GALNTL6: variants seen among roughly 807,000 people sequenced by gnomAD.
The protein encoded by GALNTL6 is polypeptide N-acetylgalactosaminyltransferase-like 6.
A neutral mutation model predicts 73.7 loss-of-function variants in GALNTL6; 46 were observed. The ratio of observed to expected loss-of-function variants is 0.62; its 90% CI spans 0.49 to 0.80. GALNTL6 has a LOEUF of 0.80. Ranked by LOEUF, GALNTL6 falls within the 30% of genes least tolerant of loss-of-function variation. The probability of loss-of-function intolerance (pLI) is 0.00; values close to 1 mark genes in which losing one functional copy is unlikely to be tolerated. For missense variants in GALNTL6, 604 were observed against 755.0 expected (o/e 0.80, Z 2.34); for synonymous variants, 259 against 263.7 (o/e 0.98, Z 0.17).
chr4:172,981,681 G>A (rs1751068080), intron 10 of GALNTL6, among the ~76,000 whole-genome samples: 2 of 151,534 alleles, frequency 1.3e-5, no homozygotes, highest in South Asian at 4.2e-4. Context: ...GCTATTTTGG[G>A]TCCCTTGAGA....
intron 5 of GALNTL6, among the ~76,000 whole-genome samples, chr4:172,626,826 T>C (rs977712849): frequency 6.6e-6 from 1 of 152,168 alleles, no homozygotes; most frequent in Admixed American, 6.6e-5. Context: ...ATGGCACTAA[T>C]TTTTATAAAT....
At chr4:172,307,018 G>T (rs1230890936) in intron 3 of GALNTL6, among the ~76,000 whole-genome samples, 3 of 152,146 alleles carry the variant, frequency 2.0e-5, no homozygotes, top group African/African-American at 7.2e-5. Flanking sequence ...TCTACTTTTA[G>T]TTCTTTAAAA....
intron 2 of GALNTL6, among the ~76,000 whole-genome samples, chr4:172,197,566 G>C (rs1438536015): frequency 6.6e-6 from 1 of 152,138 alleles, no homozygotes; most frequent in Non-Finnish European, 1.5e-5. Flanking sequence ...AACCAAAACA[G>C]CATGGTACTG....
intron 2 of GALNTL6, among the ~76,000 whole-genome samples, chr4:172,077,386 G>A (rs1423892214): frequency 6.6e-6 from 1 of 152,074 alleles, no homozygotes; most frequent in African/African-American, 2.4e-5. Flanking sequence ...TGAAGTACAG[G>A]CTGAGGTGAT....
intron 2 of GALNTL6, among the ~76,000 whole-genome samples, chr4:171,931,849 C>T (rs146399769): frequency 6.6e-6 from 1 of 151,946 alleles, no homozygotes; most frequent in Non-Finnish European, 1.5e-5. Context: ...ACACACAGTT[C>T]ATAAAACTAA....
intron 5 of GALNTL6, among the ~76,000 whole-genome samples, chr4:172,609,188 G>C (rs959238430): frequency 1.3e-5 from 2 of 152,086 alleles, no homozygotes; most frequent in Non-Finnish European, 2.9e-5. Flanking sequence ...ATGTTGAATA[G>C]GAGTAGTGAG....
intron 2 of GALNTL6, among the ~76,000 whole-genome samples, chr4:172,051,112 C>A (rs148022202): frequency 6.6e-5 from 10 of 152,070 alleles, no homozygotes; most frequent in African/African-American, 2.4e-4. Context: ...TTCCCTGACC[C>A]CCCTACAGGA....
intron 10 of GALNTL6, among the ~76,000 whole-genome samples, chr4:172,985,082 C>T (rs1751233769): frequency 6.6e-6 from 1 of 152,148 alleles, no homozygotes; most frequent in African/African-American, 2.4e-5. Context: ...AGCCAGGGGG[C>T]TACCTGTGGC....
intron 5 of GALNTL6, among the ~76,000 whole-genome samples, chr4:172,527,461 G>T (rs569343419): frequency 6.6e-6 from 1 of 152,340 alleles, no homozygotes; most frequent in South Asian, 2.1e-4. Flanking sequence ...ATGGCCAGGA[G>T]AAGACTGTAG....
chr4:172,605,650 A>G (rs1738225364), intron 5 of GALNTL6, among the ~76,000 whole-genome samples: 1 of 152,154 alleles, frequency 6.6e-6, no homozygotes, highest in African/African-American at 2.4e-5. Flanking sequence ...GAACAGGGAG[A>G]CAGGGTTCAG....
rs186067856 is a variant in GALNTL6, at chr4:172,394,913, G to C, written c.553+46224G>C. Among the ~76,000 whole-genome samples, 11 of 152,242 alleles carry C rather than the reference G, an allele frequency of 7.2e-5. No homozygotes were observed. The East Asian group carries it at 2.1e-3, about 29-fold the overall frequency. ...TACTACCTGCCACACAGAAATTGCA[G>C]CAATTACTATCATTTATATTAAGTT... On this transcript the variant is annotated intron_variant, in intron 5 of 12. Transcript: ENST00000506823.
intron 2 of GALNTL6, among the ~76,000 whole-genome samples, chr4:172,170,716 G>T (rs538563034): frequency 6.6e-6 from 1 of 151,988 alleles, no homozygotes; most frequent in Non-Finnish European, 1.5e-5. Flanking sequence ...GCACCATGTT[G>T]GCCAGGCTGG....
intron 10 of GALNTL6, among the ~76,000 whole-genome samples, chr4:173,004,203 T>C (rs1473346417): frequency 6.6e-6 from 1 of 152,014 alleles, no homozygotes; most frequent in Non-Finnish European, 1.5e-5. Context: ...AAAATGAGGT[T>C]ATAGGGAACC....
intron 5 of GALNTL6, among the ~76,000 whole-genome samples, chr4:172,408,066 G>T (rs1025765000): frequency 6.6e-6 from 1 of 151,982 alleles, no homozygotes; most frequent in Non-Finnish European, 1.5e-5. Flanking sequence ...GTAGCCATTT[G>T]TTCTTTTTGC....
chr4:172,968,025 T>TA (rs1442212130), intron 10 of GALNTL6, among the ~76,000 whole-genome samples: 2 of 152,196 alleles, frequency 1.3e-5, no homozygotes, highest in Admixed American at 1.3e-4. Flanking sequence ...AACGCCATGC[T>TA]TTTGTTTAAT....
intron 2 of GALNTL6, among the ~76,000 whole-genome samples, chr4:171,963,473 G>T (rs1739291418): frequency 6.6e-6 from 1 of 151,484 alleles, no homozygotes; most frequent in Non-Finnish European, 1.5e-5. Flanking sequence ...GTTATTTAAA[G>T]AGTGGAATAT....
intron 2 of GALNTL6, among the ~76,000 whole-genome samples, chr4:171,839,415 A>G (rs538164039): frequency 6.6e-6 from 1 of 152,200 alleles, no homozygotes; most frequent in South Asian, 2.1e-4. Context: ...ATTTAAGGGA[A>G]AATAAAGTCT....
At chr4:172,554,517 A>T (rs1268251089) in intron 5 of GALNTL6, among the ~76,000 whole-genome samples, 4 of 152,222 alleles carry the variant, frequency 2.6e-5, no homozygotes, top group Non-Finnish European at 5.9e-5. Flanking sequence ...ATGAATTGTC[A>T]TGTGGTAACC....
intron 3 of GALNTL6, among the ~76,000 whole-genome samples, chr4:172,269,966 G>A (rs924533620): frequency 6.6e-6 from 1 of 151,866 alleles, no homozygotes; most frequent in East Asian, 1.9e-4. Context: ...GTTGGCCAGA[G>A]CTCAAGTAAT....
Sources: allele counts gnomAD v4.1 joint callset (sites outside exome capture counted in the v4.1 genomes callset), GRCh38; gene constraint gnomAD v4.1.1; transcripts MANE v1.5; gene names NCBI Gene and HGNC (gene_info 2026-07-23, HGNC 2026-07-21).